The following AVL9 variants were observed in gnomAD, a reference collection of about 807,000 sequenced individuals.
The protein encoded by AVL9 is late secretory pathway protein AVL9 homolog.
AVL9 carries 49 observed loss-of-function variants against 79.2 expected under a neutral mutation model. The observed-to-expected ratio is 0.62, with a 90% CI of 0.49 to 0.79. AVL9 has a LOEUF of 0.79. Ranked by LOEUF, AVL9 falls within the 30% of genes least tolerant of loss-of-function variation. The pLI is 0.00. For synonymous variants in AVL9, 299 were observed against 280.6 expected (o/e 1.07, Z -0.65); for missense variants, 682 against 776.8 (o/e 0.88, Z 1.45).
At chr7:32,522,891 T>A (rs1354107003) in intron 1 of AVL9, among the ~76,000 whole-genome samples, 1 of 152,040 alleles carries the variant, frequency 6.6e-6, no homozygotes, top group Non-Finnish European at 1.5e-5. Context: ...CAAGCTCTGA[T>A]GGGTTTATCA....
chr7:32,511,672 G>T (rs1056654998), intron 1 of AVL9, among the ~76,000 whole-genome samples: 6 of 151,864 alleles, frequency 4.0e-5, no homozygotes, highest in African/African-American at 1.5e-4. Context: ...CCGGGAGGTA[G>T]GGTGCTGGGA....
chr7:32,546,684 G>A (rs1310443872), intron 3 of AVL9, among the ~76,000 whole-genome samples: 2 of 152,136 alleles, frequency 1.3e-5, no homozygotes, highest in African/African-American at 4.8e-5. Flanking sequence ...TTAGCCAGGT[G>A]TGGCAGCGCA....
chr7:32,542,098 A>G (rs752653486), intron 1 of AVL9, among the ~76,000 whole-genome samples: 25 of 152,102 alleles, frequency 1.6e-4, no homozygotes, highest in South Asian at 4.2e-4. Flanking sequence ...CTAAACGGAA[A>G]ACGTTGATTG....
intron 1 of AVL9, among the ~76,000 whole-genome samples, chr7:32,524,319 C>T (rs1207468381): frequency 6.6e-6 from 1 of 151,968 alleles, no homozygotes; most frequent in Admixed American, 6.6e-5. Context: ...AGTTTAACAC[C>T]AGCCTGGCCA....
rs1420522663 is a variant in AVL9, at chr7:32,587,092, G to C, written c.*3185G>C. The C allele has an allele frequency of 6.6e-6, 1 of 152,170 alleles. No individual in the cohort carries two copies. Among genetic ancestry groups the C allele is most frequent in the African/African-American group, 2.4e-5 (1 of 41,442 alleles). 9.4% of individuals were successfully genotyped at this position (152,170 alleles called of 1,614,324 possible). On this transcript the variant is annotated 3_prime_UTR_variant, in exon 16 of 16. Coordinates refer to ENST00000318709, the MANE Select transcript of AVL9 (RefSeq NM_015060.3). ...CAAACCAGAGCATATGATGTAACTT[G>C]CTCAACCTTATCTTCCTTTCCAAAT...
At chr7:32,524,557 C>CACACACAG (rs1358137612) in intron 1 of AVL9, among the ~76,000 whole-genome samples, 30 of 35,152 alleles carry the variant, frequency 8.5e-4, no homozygotes, top group African/African-American at 2.3e-3. Flanking sequence ...CACACACACA[C>CACACACAG]AGAGAGAAAA....
Position 32,495,920 on chromosome 7 carries a change from G to C in AVL9, c.93+118G>C, listed in dbSNP as rs1024294936. 5 of 604,456 alleles carry C rather than the reference G, an allele frequency of 8.3e-6. No homozygotes were observed. The African/African-American group carries it at 9.6e-5, about 12-fold the overall frequency. 37.4% of individuals were successfully genotyped at this position (604,456 alleles called of 1,614,324 possible). A position where few individuals can be genotyped will look rare whatever the true frequency, so the allele number is the denominator to read the frequency against. ...GTGCAGTCCTCCCCACAGCGCCTGC[G>C]ACCCTTCGCCTCTCAACCTGACTCC... On this transcript the variant is annotated intron_variant, in intron 1 of 15. Transcript: ENST00000318709.
intron 1 of AVL9, among the ~76,000 whole-genome samples, chr7:32,516,918 C>A (rs1583501898): frequency 6.6e-6 from 1 of 152,106 alleles, no homozygotes; most frequent in East Asian, 1.9e-4. Context: ...ACAATTACAT[C>A]AAGGAAATTT....
intron 5 of AVL9, 65 bp from the exon 6 acceptor site, chr7:32,552,164 A>T: frequency 9.7e-7 from 1 of 1,029,640 alleles, no homozygotes. Context: ...TTTTCTGATC[A>T]ATATATTTCT....
chr7:32,520,802 ATAATACATAGGGG>A (rs895943044), intron 1 of AVL9, among the ~76,000 whole-genome samples: 2 of 152,112 alleles, frequency 1.3e-5, no homozygotes, highest in African/African-American at 2.4e-5. Flanking sequence ...CAGATGGTTA[ATAATACATAGGGG>A]TAATTGGGCT....
intron 3 of AVL9, among the ~76,000 whole-genome samples, chr7:32,545,873 C>T (rs1450835642): frequency 2.6e-5 from 4 of 152,122 alleles, no homozygotes; most frequent in African/African-American, 9.7e-5. Context: ...TTAGTCTCAG[C>T]TGCACATTGC....
chr7:32,554,985 G>T (rs1190601097), intron 8 of AVL9, among the ~76,000 whole-genome samples: 1 of 152,128 alleles, frequency 6.6e-6, no homozygotes, highest in Admixed American at 6.6e-5. Context: ...CAGTAATTGG[G>T]TTATTTGCTT....
intron 9 of AVL9, 144 bp from the exon 10 acceptor site, chr7:32,558,785 G>A (rs781273526): frequency 2.7e-5 from 27 of 1,016,084 alleles, no homozygotes; most frequent in Middle Eastern, 3.3e-4. Flanking sequence ...TTTTGTCTGG[G>A]CTTCTTTCTG....
In AVL9 at chr7:32,535,086, C is replaced by G. The variant is rs1350708328; in HGVS notation, c.94-8055C>G. On this transcript the variant is annotated intron_variant, in intron 1 of 15. Coordinates refer to ENST00000318709, the MANE Select transcript of AVL9 (RefSeq NM_015060.3). ...AATACAACTTTTACTGTTTTCAGAG[C>G]TTCTCCTGTGTCTGTTTCCCAAAAT... is the stretch of plus-strand genomic sequence containing the variant. The G allele has an allele frequency of 3.3e-5, 5 of 152,296 alleles. No homozygotes were observed. In the East Asian group the frequency reaches 9.6e-4, roughly 29 times the overall value. The allele number at this position is 152,296 out of a possible 1,614,324, so 9.4% of individuals were successfully genotyped here.
At chr7:32,518,580 G>A (rs1299615433) in intron 1 of AVL9, among the ~76,000 whole-genome samples, 2 of 152,054 alleles carry the variant, frequency 1.3e-5, no homozygotes, top group Admixed American at 6.5e-5. Flanking sequence ...TAAGAAAGAA[G>A]TTATATAATC....
rs375129495 is a variant in AVL9, at chr7:32,559,087, G to C, written c.838G>C (p.Val280Leu). The C allele has an allele frequency of 1.9e-6, 3 of 1,614,026 alleles. No homozygotes were observed. The African/African-American group carries it at 4.0e-5, about 22-fold the overall frequency. Residue 280 changes from valine to leucine, a missense_variant, in exon 10 of 16, where the codon GTC becomes CTC. Physicochemically the swap from Val to Leu is conservative, Grantham distance 32. Transcript: ENST00000318709. ...SHTNLGTIRK[V>L]MAGNHGEDAA... The stretch of plus-strand genomic sequence containing the variant: ...TACCAACTTGGGAACTATCAGGAAA[G>C]TCATGGCAGGAAACCATGGAGAAGA...
intron 1 of AVL9, among the ~76,000 whole-genome samples, chr7:32,519,640 G>A (rs1788056388): frequency 1.3e-5 from 2 of 151,548 alleles, no homozygotes; most frequent in South Asian, 2.1e-4. Flanking sequence ...AGTTAAAATA[G>A]TAGTAATATT....
At chr7:32,510,731 G>T (rs1787632077) in intron 1 of AVL9, among the ~76,000 whole-genome samples, 3 of 119,198 alleles carry the variant, frequency 2.5e-5, no homozygotes, top group African/African-American at 9.2e-5. Flanking sequence ...CCCAGTATGA[G>T]GGAAACCATC....
At chr7:32,564,735 AGCTGATTCAG>A (rs1293498406) in intron 10 of AVL9, among the ~76,000 whole-genome samples, 2 of 152,154 alleles carry the variant, frequency 1.3e-5, no homozygotes, top group Non-Finnish European at 2.9e-5. Flanking sequence ...AAAGCCTGAG[AGCTGATTCAG>A]GAAGTGTAGA....
Sources: allele counts gnomAD v4.1 joint callset (sites outside exome capture counted in the v4.1 genomes callset), GRCh38; gene constraint gnomAD v4.1.1; transcripts MANE v1.5; gene names NCBI Gene and HGNC (gene_info 2026-07-23, HGNC 2026-07-21).